The following DMD variants were observed in gnomAD, a reference collection of about 807,000 sequenced individuals.
DMD encodes the protein mutant dystrophin.
DMD carries 63 observed loss-of-function variants against 330.1 expected under a neutral mutation model. The observed-to-expected ratio is 0.19, with a 90% CI of 0.16 to 0.24. DMD has a LOEUF of 0.24. Among genes scored for constraint, DMD ranks in the 10% least tolerant of loss-of-function variants. The pLI is 1.00. For missense variants in DMD, 3,344 were observed against 2,684.1 expected (o/e 1.25, Z -5.43); for synonymous variants, 1,223 against 959.8 (o/e 1.27, Z -5.07).
chrX:32,761,303 G>A (rs756318927), intron 7 of DMD, among the ~76,000 whole-genome samples: 2 of 110,909 alleles, frequency 1.8e-5, no homozygotes, highest in Non-Finnish European at 3.8e-5. Context: ...ATAAATCGGT[G>A]ATGCTCTTCA....
At chrX:32,876,669 C>A (rs1043891539) in intron 2 of DMD, among the ~76,000 whole-genome samples, 1 of 111,753 alleles carries the variant, frequency 8.9e-6, no homozygotes, top group African/African-American at 3.3e-5. Flanking sequence ...ACTTTATGAG[C>A]CCCTGGCTGA....
chrX:32,709,820 G>C (rs1484615677), intron 7 of DMD, among the ~76,000 whole-genome samples: 1 of 110,703 alleles, frequency 9.0e-6, no homozygotes, highest in African/African-American at 3.3e-5. Context: ...TCATTATTAT[G>C]TTTATTTTTT....
chrX:33,211,552 C>T, upstream of DMD: 1 of 1,039,419 alleles, frequency 9.6e-7, no homozygotes, highest in Non-Finnish European at 1.2e-6. Flanking sequence ...TAACTGATGC[C>T]AGGATTCTGT....
chrX:31,960,010 C>T (rs1220079354), intron 45 of DMD, among the ~76,000 whole-genome samples: 8 of 109,032 alleles, frequency 7.3e-5, no homozygotes, highest in East Asian at 5.8e-4. Flanking sequence ...CCACCCATCT[C>T]GGCCTCCCAA....
intron 4 of DMD, among the ~76,000 whole-genome samples, chrX:32,841,328 A>G (rs1341283910): frequency 8.9e-6 from 1 of 112,118 alleles, no homozygotes; most frequent in Non-Finnish European, 1.9e-5. Flanking sequence ...AATGTTAATC[A>G]TACTTAAAAT....
intron 2 of DMD, among the ~76,000 whole-genome samples, chrX:32,941,641 A>G (rs2090428411): frequency 9.0e-6 from 1 of 110,788 alleles, no homozygotes; most frequent in Admixed American, 9.7e-5. Context: ...GATAGACACT[A>G]GGGATTACTA....
intron 2 of DMD, among the ~76,000 whole-genome samples, chrX:32,888,897 A>C (rs1308718923): frequency 2.7e-5 from 3 of 111,468 alleles, no homozygotes; most frequent in Non-Finnish European, 5.6e-5. Flanking sequence ...TCAAATTCTC[A>C]AGTCCAGGCA....
chrX:32,251,305 G>A (rs931450673), intron 43 of DMD, among the ~76,000 whole-genome samples: 1 of 111,037 alleles, frequency 9.0e-6, no homozygotes, highest in Admixed American at 9.6e-5. Context: ...ACATGCCTAG[G>A]TATCCCACGT....
rs184244116 is a variant in DMD at position 32,598,835 on chromosome X, G to A, written c.1483-2959C>T. Among the ~76,000 whole-genome samples, 606 of 111,759 alleles carry A rather than the reference G, an allele frequency of 5.4e-3. 9 individuals carry two copies. The highest frequency in any genetic ancestry group is 0.038 in the Admixed American group (396 of 10,491). ...TGCTAACGTAAAGTACCACTAAAGA[G>A]AGTTGTGAGATGATAGCATTAAAAT... On this transcript the variant is annotated intron_variant, in intron 12 of 78. Transcript: ENST00000357033.
intron 11 of DMD, among the ~76,000 whole-genome samples, chrX:32,626,192 T>G (rs779582426): frequency 6.2e-5 from 7 of 112,125 alleles, no homozygotes; most frequent in Non-Finnish European, 9.4e-5. Flanking sequence ...TGGCTCAGGC[T>G]GGGCACAGTG....
At chrX:32,181,991 A>T in intron 44 of DMD, among the ~76,000 whole-genome samples, 1 of 112,291 alleles carries the variant, frequency 8.9e-6, no homozygotes, top group Non-Finnish European at 1.9e-5. Context: ...TTTAATTTCC[A>T]GTTTCGCATT....
chrX:32,326,645 C>T (rs182577129), intron 41 of DMD, among the ~76,000 whole-genome samples: 17 of 111,918 alleles, frequency 1.5e-4, no homozygotes, highest in East Asian at 5.7e-4. Context: ...TGGCTCACAC[C>T]AGTAATCCCA....
At position 31,774,161 on chromosome X, in the gene DMD, T is replaced by C. The variant is rs780354773; in HGVS notation, c.7341A>G (p.Gln2447=). 26 of 1,207,696 alleles carry C rather than the reference T, an allele frequency of 2.2e-5. No individual in the cohort carries two copies. The highest frequency in any genetic ancestry group is 2.8e-5 in the Non-Finnish European group (25 of 893,971). The change falls in exon 51 of 79, where the codon CAA becomes CAG. Residue 2447 remains glutamine, a synonymous_variant. Coordinates refer to ENST00000357033, the MANE Select transcript of DMD (RefSeq NM_004006.3). ...TGGCAGTTTCCTTAGTAACCACAGG[T>C]TGTGTCACCAGAGTAACAGTCTGAG... ...SPTQTVTLVT[Q]PVVTKETAIS...
intron 1 of DMD, among the ~76,000 whole-genome samples, chrX:33,298,913 C>T (rs1236480353): frequency 1.8e-5 from 2 of 111,434 alleles, no homozygotes; most frequent in Non-Finnish European, 1.9e-5. Flanking sequence ...CAAGTGAGTG[C>T]GGAAGTGATT....
intron 48 of DMD, among the ~76,000 whole-genome samples, chrX:31,862,512 T>C (rs1298677186): frequency 8.9e-6 from 1 of 112,093 alleles, no homozygotes; most frequent in Non-Finnish European, 1.9e-5. Flanking sequence ...ATGACATCAC[T>C]GATACAGTAC....
chrX:32,178,828 GGGGTGTGTGTGTGT>G (rs1365466616), intron 44 of DMD, among the ~76,000 whole-genome samples: 5 of 16,700 alleles, frequency 3.0e-4, no homozygotes, highest in South Asian at 4.4e-3. Flanking sequence ...AATATTCCAG[GGGGTGTGTGTGTGT>G]GTGTGTGTGT....
intron 7 of DMD, among the ~76,000 whole-genome samples, chrX:32,793,846 T>A (rs760008268): frequency 9.0e-6 from 1 of 111,266 alleles, no homozygotes; most frequent in South Asian, 3.8e-4. Context: ...CTCCTGTAAG[T>A]GTTCCAAGAA....
At chrX:32,628,258 ATTTTTTTTTTTTTTTTTTTT>A (rs1170760390) in intron 11 of DMD, among the ~76,000 whole-genome samples, 10 of 15,358 alleles carry the variant, frequency 6.5e-4, no homozygotes, top group East Asian at 2.2e-3. Flanking sequence ...AGTTGTTTTA[ATTTTTTTTTTTTTTTTTTTT>A]TTTTTTTTTT....
chrX:32,901,169 CAT>C (rs974436522), intron 2 of DMD, among the ~76,000 whole-genome samples: 8 of 111,210 alleles, frequency 7.2e-5, no homozygotes, highest in African/African-American at 6.5e-5. Flanking sequence ...ATAGTAGTAA[CAT>C]GTAATTTTTA....
Sources: gnomAD v4.1 joint callset for allele counts (sites outside exome capture counted in the v4.1 genomes callset) on GRCh38, gnomAD v4.1.1 for gene constraint, MANE v1.5 for transcripts, NCBI Gene and HGNC (gene_info 2026-07-23, HGNC 2026-07-21) for gene names.